The following DOCK2 variants were observed in gnomAD, a reference collection of about 807,000 sequenced individuals.
The protein encoded by DOCK2 is dedicator of cytokinesis 2.
A neutral mutation model predicts 248.9 loss-of-function variants in DOCK2; 87 were observed. The observed-to-expected ratio is 0.35, with a 90% confidence interval of 0.29 to 0.42. DOCK2 has a LOEUF of 0.42. DOCK2 is among the 10% of genes least tolerant of loss of function. The pLI, the probability that DOCK2 is intolerant of heterozygous loss-of-function variation, is 1.00. For synonymous variants in DOCK2, 805 were observed against 821.6 expected (o/e 0.98, Z 0.35); for missense variants, 1,747 against 2,300.2 (o/e 0.76, Z 4.92).
intron 25 of DOCK2, among the ~76,000 whole-genome samples, chr5:169,794,576 TA>T (rs1183487899): frequency 1.3e-5 from 2 of 152,224 alleles, no homozygotes; most frequent in Non-Finnish European, 2.9e-5. Flanking sequence ...TTTCAAATTA[TA>T]TTTATAATCA....
chr5:169,732,814 A>G (rs929280265), intron 22 of DOCK2, among the ~76,000 whole-genome samples: 2 of 152,176 alleles, frequency 1.3e-5, no homozygotes, highest in Non-Finnish European at 2.9e-5. Flanking sequence ...CCTACAGTCT[A>G]TTCTCTATAA....
intron 23 of DOCK2, among the ~76,000 whole-genome samples, chr5:169,752,692 G>A (rs1197906831): frequency 6.6e-6 from 1 of 152,076 alleles, no homozygotes; most frequent in Non-Finnish European, 1.5e-5. Context: ...TGAGCCTAGG[G>A]GATCAAGGCT....
intron 51 of DOCK2, among the ~76,000 whole-genome samples, chr5:170,082,577 T>C (rs928446782): frequency 3.9e-5 from 6 of 152,250 alleles, no homozygotes; most frequent in Middle Eastern, 3.4e-3. Context: ...CAGGGTTTGG[T>C]AAGTGAGGTG....
intron 27 of DOCK2, among the ~76,000 whole-genome samples, chr5:169,923,292 C>T (rs1775273289): frequency 6.6e-6 from 1 of 152,142 alleles, no homozygotes; most frequent in Non-Finnish European, 1.5e-5. Flanking sequence ...ATGGTTTTTA[C>T]TTTTTTCTTT....
chr5:169,755,547 A>C (rs1764151709), intron 23 of DOCK2, among the ~76,000 whole-genome samples: 1 of 152,130 alleles, frequency 6.6e-6, no homozygotes, highest in Non-Finnish European at 1.5e-5. Flanking sequence ...GTTTGAACCC[A>C]GACTGGCCAA....
At chr5:169,699,258 G>T in intron 11 of DOCK2, 124 bp from the exon 12 acceptor site, 2 of 799,946 alleles carry the variant, frequency 2.5e-6, no homozygotes, top group South Asian at 2.0e-5. Context: ...TATATACCCT[G>T]GGCTGACATA....
intron 1 of DOCK2, among the ~76,000 whole-genome samples, chr5:169,646,525 C>T (rs1223753262): frequency 2.0e-5 from 3 of 152,150 alleles, no homozygotes; most frequent in Non-Finnish European, 4.4e-5. Context: ...GTCATCTTCC[C>T]CACTAGCTGG....
intron 27 of DOCK2, among the ~76,000 whole-genome samples, chr5:169,968,317 C>T (rs908600120): frequency 6.6e-6 from 1 of 152,074 alleles, no homozygotes; most frequent in Non-Finnish European, 1.5e-5. Flanking sequence ...CGAGGCAGTC[C>T]TTTTAACCTC....
intron 25 of DOCK2, among the ~76,000 whole-genome samples, chr5:169,801,635 G>A (rs144605219): frequency 4.6e-5 from 7 of 152,242 alleles, no homozygotes; most frequent in East Asian, 1.9e-4. Context: ...GGGAAGGCAG[G>A]GAGCCTATGA....
At chr5:170,031,604 T>C (rs1756137986) in intron 34 of DOCK2, among the ~76,000 whole-genome samples, 1 of 152,244 alleles carries the variant, frequency 6.6e-6, no homozygotes, top group African/African-American at 2.4e-5. Flanking sequence ...TAAGTGGTAG[T>C]ATCATTATAT....
chr5:169,797,929 C>CATTT (rs1370017473), intron 25 of DOCK2, among the ~76,000 whole-genome samples: 1 of 152,194 alleles, frequency 6.6e-6, no homozygotes, highest in African/African-American at 2.4e-5. Context: ...AGGAGCCAGA[C>CATTT]ATTTCTGAGA....
intron 38 of DOCK2, among the ~76,000 whole-genome samples, chr5:170,043,042 G>T (rs1756574157): frequency 6.6e-6 from 1 of 152,214 alleles, no homozygotes; most frequent in Non-Finnish European, 1.5e-5. Context: ...AAGGATGCTT[G>T]GCTGGGTTTG....
At chr5:169,712,506 G>T (rs1392748131) in intron 17 of DOCK2, among the ~76,000 whole-genome samples, 2 of 152,198 alleles carry the variant, frequency 1.3e-5, no homozygotes, top group Non-Finnish European at 2.9e-5. Flanking sequence ...GTTATTTACA[G>T]AAAGGTTATT....
chr5:169,656,574 A>G (rs1171447150), intron 2 of DOCK2, among the ~76,000 whole-genome samples: 1 of 152,014 alleles, frequency 6.6e-6, no homozygotes, highest in African/African-American at 2.4e-5. Context: ...CGGCCTCCCA[A>G]AGTGCTGGGA....
chr5:169,957,226 G>A (rs78081645), intron 27 of DOCK2, among the ~76,000 whole-genome samples: 4,583 of 152,280 alleles, frequency 0.03, 161 homozygotes, highest in African/African-American at 0.08. Flanking sequence ...AATTAAAATG[G>A]ACACATCAAT....
chr5:169,766,170 C>A (rs1403388152), intron 25 of DOCK2, among the ~76,000 whole-genome samples: 1 of 152,078 alleles, frequency 6.6e-6, no homozygotes, highest in East Asian at 1.9e-4. Context: ...TTTTGTCACC[C>A]AGGTAATACG....
chr5:169,802,187 A>C (rs1299989737), intron 25 of DOCK2, among the ~76,000 whole-genome samples: 1 of 152,090 alleles, frequency 6.6e-6, no homozygotes, highest in Non-Finnish European at 1.5e-5. Context: ...TTTGAGATGC[A>C]GTCTCACTCT....
chr5:169,713,350 A>G (rs1561627266), intron 17 of DOCK2, among the ~76,000 whole-genome samples: 5 of 152,354 alleles, frequency 3.3e-5, no homozygotes, highest in South Asian at 4.1e-4. Flanking sequence ...GAACCAAGAC[A>G]TATAAAACAC....
chr5:169,752,756 C>A (rs906247286), intron 23 of DOCK2, among the ~76,000 whole-genome samples: 18 of 151,150 alleles, frequency 1.2e-4, no homozygotes, highest in Non-Finnish European at 2.4e-4. Flanking sequence ...AAAGCAAGAC[C>A]CTGTCTCTTA....
Sources: allele counts gnomAD v4.1 joint callset (sites outside exome capture counted in the v4.1 genomes callset), GRCh38; gene constraint gnomAD v4.1.1; transcripts MANE v1.5; gene names NCBI Gene and HGNC (gene_info 2026-07-23, HGNC 2026-07-21).